TNR: variants seen among roughly 807,000 people sequenced by gnomAD.
TNR encodes the protein tenascin R, also known as tenascin-R.
A neutral mutation model predicts 150.4 loss-of-function variants in TNR; 45 were observed. That is an observed-to-expected ratio of 0.30 (90% CI 0.24 to 0.38). TNR has a LOEUF of 0.38. TNR is among the 10% of genes least tolerant of loss of function. The pLI, the probability that TNR is intolerant of heterozygous loss-of-function variation, is 1.00. For synonymous variants in TNR, 687 were observed against 678.4 expected, an observed-to-expected ratio of 1.01 and a Z score of -0.20; for missense variants, 1,544 against 1,759.1, an observed-to-expected ratio of 0.88 and a Z score of 2.19.
At chr1:175,700,524 C>T (rs1181026498) in intron 1 of TNR, among the ~76,000 whole-genome samples, 2 of 152,168 alleles carry the variant, frequency 1.3e-5, no homozygotes, top group East Asian at 3.8e-4. Context: ...CATAGCAGCA[C>T]TCTCCACACT....
rs771250536 is a variant in TNR, at chr1:175,321,688, G to C, written c.*1669C>G. On this transcript the variant is annotated 3_prime_UTR_variant, in exon 23 of 23. Transcript: ENST00000367674. ...CTTAAGATCAAATTGTGCTAGTGAA[G>C]ACAGTGCATCTCATAAAATGGGAAG... 6.6e-6 allele frequency: 1 copy of C among 152,230 alleles called. No individual in the cohort carries two copies. Among genetic ancestry groups the C allele is most frequent in the Non-Finnish European group, 1.5e-5 (1 of 68,046 alleles). 9.4% of individuals were successfully genotyped at this position (152,230 alleles called of 1,614,324 possible).
At chr1:175,614,767 AC>A (rs1048560345) in intron 1 of TNR, among the ~76,000 whole-genome samples, 8 of 152,304 alleles carry the variant, frequency 5.3e-5, no homozygotes, top group Admixed American at 1.3e-4. Flanking sequence ...GAATTTTGTA[AC>A]CAGGGGCTCC....
chr1:175,516,630 CAG>C (rs902957729), intron 2 of TNR, among the ~76,000 whole-genome samples: 2 of 152,284 alleles, frequency 1.3e-5, no homozygotes, highest in Non-Finnish European at 2.9e-5. Context: ...TTCTCTGAAA[CAG>C]ATCCAGGCAG....
At chr1:175,378,955 G>A (rs564244452) in intron 9 of TNR, among the ~76,000 whole-genome samples, 21 of 152,290 alleles carry the variant, frequency 1.4e-4, no homozygotes, top group South Asian at 2.1e-4. Flanking sequence ...CGAGGTGGGC[G>A]GATCACCTGA....
chr1:175,362,228 G>T (rs1334445143), intron 14 of TNR, among the ~76,000 whole-genome samples: 3 of 152,164 alleles, frequency 2.0e-5, no homozygotes, highest in Non-Finnish European at 2.9e-5. Context: ...AAGAGCAAAG[G>T]CACCTTCTTG....
chr1:175,679,032 C>T (rs17377714), intron 1 of TNR, among the ~76,000 whole-genome samples: 56,401 of 152,114 alleles, frequency 0.37, 10,960 homozygotes, highest in Non-Finnish European at 0.43. Context: ...CACAGTTCTG[C>T]CAGAAGTGGG....
intron 1 of TNR, among the ~76,000 whole-genome samples, chr1:175,583,461 C>T (rs1409901141): frequency 6.6e-6 from 1 of 152,184 alleles, no homozygotes; most frequent in Non-Finnish European, 1.5e-5. Context: ...CTGCCAAGGT[C>T]ATGCACAATT....
chr1:175,378,811 C>T (rs1652530128), intron 9 of TNR, among the ~76,000 whole-genome samples: 1 of 152,208 alleles, frequency 6.6e-6, no homozygotes, highest in South Asian at 2.1e-4. Flanking sequence ...AGGGTCTGGG[C>T]TTATCCTAAG....
At chr1:175,588,564 C>A (rs1004027405) in intron 1 of TNR, among the ~76,000 whole-genome samples, 1 of 151,666 alleles carries the variant, frequency 6.6e-6, no homozygotes, top group Non-Finnish European at 1.5e-5. Context: ...TTTTTTTAAT[C>A]CAAATAAAAT....
chr1:175,482,181 C>T lies in TNR; in HGVS notation c.-64+46088G>A, dbSNP rs532298019. On this transcript the variant is annotated intron_variant, in intron 2 of 22. Transcript: ENST00000367674. ...GATAAATGTTTGTTGAATGAAAGAA[C>T]GAGTGAATGAAGTCCACTAGGCTGC... Among the ~76,000 whole-genome samples the T allele has an allele frequency of 6.6e-5, 10 of 152,314 alleles. No homozygotes were observed. In the East Asian group the frequency reaches 1.2e-3, roughly 18 times the overall value.
At chr1:175,436,589 T>C (rs1044783703) in intron 2 of TNR, among the ~76,000 whole-genome samples, 5 of 152,128 alleles carry the variant, frequency 3.3e-5, no homozygotes, top group Admixed American at 6.5e-5. Flanking sequence ...GACTGGCAAA[T>C]TGGATAAAGA....
Position 175,550,692 on chromosome 1 carries a change from A to C in TNR, c.-164-22323T>G, listed in dbSNP as rs556365424. ...TTTATACTTAAGACATGACTAGAAA[A>C]AAAATTAGCAGACATTTGAAATCTC... On this transcript the variant is annotated intron_variant, in intron 1 of 22. Transcript: ENST00000367674. 2.0e-5 allele frequency among the ~76,000 whole-genome samples: 3 copies of C among 152,298 alleles called. No individual in the cohort carries two copies. The South Asian group carries it at 6.2e-4, about 32-fold the overall frequency.
At chr1:175,349,585 A>G (rs773921913) in intron 18 of TNR, among the ~76,000 whole-genome samples, 2 of 152,238 alleles carry the variant, frequency 1.3e-5, no homozygotes, top group Non-Finnish European at 2.9e-5. Flanking sequence ...ACATACAAAC[A>G]AAAGGACACA....
intron 1 of TNR, among the ~76,000 whole-genome samples, chr1:175,708,020 G>GTGTT (rs1666889488): frequency 3.6e-4 from 2 of 5,522 alleles, no homozygotes; most frequent in South Asian, 0.03. Flanking sequence ...GTGTGTGTTT[G>GTGTT]TGTGTGTGTG....
chr1:175,375,467 A>G (rs1331491491), intron 9 of TNR, among the ~76,000 whole-genome samples: 1 of 144,878 alleles, frequency 6.9e-6, no homozygotes, highest in East Asian at 2.0e-4. Context: ...CATTGCCTAC[A>G]GAGAATAATG....
At chr1:175,740,355 G>A (rs894092905) in intron 1 of TNR, among the ~76,000 whole-genome samples, 1 of 152,184 alleles carries the variant, frequency 6.6e-6, no homozygotes, top group African/African-American at 2.4e-5. Context: ...GGGTATACAA[G>A]TGTACACAAT....
chr1:175,659,642 A>C (rs543271106), intron 1 of TNR, among the ~76,000 whole-genome samples: 33 of 152,290 alleles, frequency 2.2e-4, no homozygotes, highest in African/African-American at 6.7e-4. Flanking sequence ...CTCATCAAGC[A>C]CTGCTTCTTC....
At chr1:175,538,420 G>A (rs1292229621) in intron 1 of TNR, among the ~76,000 whole-genome samples, 1 of 152,210 alleles carries the variant, frequency 6.6e-6, no homozygotes, top group African/African-American at 2.4e-5. Context: ...TTAATCCAAC[G>A]TGGAGGAGTG....
intron 2 of TNR, among the ~76,000 whole-genome samples, chr1:175,497,577 G>C (rs1208774332): frequency 6.6e-6 from 1 of 152,144 alleles, no homozygotes; most frequent in Non-Finnish European, 1.5e-5. Flanking sequence ...CTAATGCCTA[G>C]GGCAGCTGCT....
Sources: gnomAD v4.1 joint callset for allele counts (sites outside exome capture counted in the v4.1 genomes callset) on GRCh38, gnomAD v4.1.1 for gene constraint, MANE v1.5 for transcripts, NCBI Gene and HGNC (gene_info 2026-07-23, HGNC 2026-07-21) for gene names.